The following CNTNAP5 variants were observed in gnomAD, a reference collection of about 807,000 sequenced individuals.
CNTNAP5 encodes the protein contactin associated protein family member 5.
Under a neutral mutation model 150.2 loss-of-function variants are expected in CNTNAP5, and 72 were observed. The ratio of observed to expected loss-of-function variants is 0.48; its 90% CI spans 0.40 to 0.58. CNTNAP5 has a LOEUF of 0.58. Among genes scored for constraint, CNTNAP5 ranks in the 20% least tolerant of loss-of-function variants. The pLI, the probability that CNTNAP5 is intolerant of heterozygous loss-of-function variation, is 0.00. For missense variants in CNTNAP5, 1,636 were observed against 1,626.2 expected (o/e 1.01, Z -0.10); for synonymous variants, 672 against 619.8 (o/e 1.08, Z -1.25).
In CNTNAP5 at chr2:124,516,528, C is replaced by T. The variant is rs180950049; in HGVS notation, c.1328-7775C>T. ...AATTTCCGGAAATTTTTAAGTGTCA[C>T]GCACTTGAGCAAGGAATAACAGGTG... is the stretch of plus-strand genomic sequence containing the variant. On this transcript the variant is annotated intron_variant, in intron 8 of 23. Coordinates refer to ENST00000682447, the MANE Select transcript of CNTNAP5 (RefSeq NM_001367498.1). 1.1e-3 allele frequency among the ~76,000 whole-genome samples: 168 copies of T among 152,270 alleles called. 1 individual carries two copies. Among genetic ancestry groups the T allele is most frequent in the Admixed American group, 4.1e-3 (63 of 15,298 alleles).
At chr2:124,362,751 C>A (rs969176085) in intron 3 of CNTNAP5, among the ~76,000 whole-genome samples, 1 of 152,140 alleles carries the variant, frequency 6.6e-6, no homozygotes, top group Non-Finnish European at 1.5e-5. Flanking sequence ...CCATCTGTAC[C>A]TTTGAAGAGT....
chr2:124,162,331 A>AT (rs1684700927), intron 1 of CNTNAP5, among the ~76,000 whole-genome samples: 1 of 152,164 alleles, frequency 6.6e-6, no homozygotes, highest in African/African-American at 2.4e-5. Flanking sequence ...GTATTACTTC[A>AT]TTTAAACTTG....
intron 14 of CNTNAP5, among the ~76,000 whole-genome samples, chr2:124,757,023 C>T (rs1226430022): frequency 6.6e-6 from 1 of 152,146 alleles, no homozygotes; most frequent in Admixed American, 6.6e-5. Context: ...TAATAGCATG[C>T]CAGCACAAAT....
intron 3 of CNTNAP5, among the ~76,000 whole-genome samples, chr2:124,356,277 A>T (rs1439330158): frequency 1.3e-5 from 2 of 151,880 alleles, no homozygotes; most frequent in Non-Finnish European, 2.9e-5. Flanking sequence ...ATATGCTTTG[A>T]CAGATGTGGA....
chr2:124,545,886 G>T (rs773943068), intron 10 of CNTNAP5, among the ~76,000 whole-genome samples: 18 of 152,124 alleles, frequency 1.2e-4, no homozygotes, highest in Non-Finnish European at 2.2e-4. Flanking sequence ...CAGCTCAGGA[G>T]TTCAAGATTA....
intron 16 of CNTNAP5, among the ~76,000 whole-genome samples, chr2:124,771,942 C>A (rs1471095169): frequency 6.6e-6 from 1 of 151,792 alleles, no homozygotes; most frequent in Admixed American, 6.6e-5. Context: ...CCACTATCAC[C>A]ACAACCATTA....
intron 3 of CNTNAP5, among the ~76,000 whole-genome samples, chr2:124,273,271 G>C (rs192516061): frequency 2.0e-5 from 3 of 152,290 alleles, no homozygotes; most frequent in East Asian, 1.9e-4. Context: ...GGGTGATATA[G>C]TGAGAGACAT....
At chr2:124,540,204 T>C (rs1024895554) in intron 10 of CNTNAP5, among the ~76,000 whole-genome samples, 1 of 152,208 alleles carries the variant, frequency 6.6e-6, no homozygotes. Flanking sequence ...CTGAAAAGTA[T>C]AACTGTGACT....
At chr2:124,036,168 C>A (rs561791782) in intron 1 of CNTNAP5, among the ~76,000 whole-genome samples, 6 of 151,868 alleles carry the variant, frequency 4.0e-5, no homozygotes, top group African/African-American at 1.5e-4. Context: ...TCATGATCCA[C>A]CCGCCTCGGC....
intron 6 of CNTNAP5, among the ~76,000 whole-genome samples, chr2:124,466,826 C>G (rs897482493): frequency 6.6e-6 from 1 of 152,114 alleles, no homozygotes; most frequent in Non-Finnish European, 1.5e-5. Flanking sequence ...CTCAGAAATA[C>G]AATCTCCATT....
chr2:124,484,816 T>G (rs529665600), intron 7 of CNTNAP5, among the ~76,000 whole-genome samples: 19 of 152,328 alleles, frequency 1.2e-4, no homozygotes, highest in Admixed American at 1.3e-4. Flanking sequence ...CACATAACAT[T>G]TTTGAGGCTT....
chr2:124,063,625 T>C (rs568400299), intron 1 of CNTNAP5, among the ~76,000 whole-genome samples: 1 of 152,288 alleles, frequency 6.6e-6, no homozygotes, highest in Non-Finnish European at 1.5e-5. Flanking sequence ...TCAGCAAATA[T>C]AATACTTCTC....
chr2:124,194,904 A>G (rs761604943), intron 1 of CNTNAP5, among the ~76,000 whole-genome samples: 1 of 151,998 alleles, frequency 6.6e-6, no homozygotes, highest in Non-Finnish European at 1.5e-5. Context: ...GGAAAACTAG[A>G]AGTTATTTGC....
intron 1 of CNTNAP5, among the ~76,000 whole-genome samples, chr2:124,073,917 C>T (rs961290572): frequency 6.6e-6 from 1 of 151,838 alleles, no homozygotes; most frequent in African/African-American, 2.4e-5. Flanking sequence ...TTCACAAGGG[C>T]CAAGATTTGG....
At chr2:124,472,711 T>C (rs1260411457) in intron 6 of CNTNAP5, among the ~76,000 whole-genome samples, 1 of 151,786 alleles carries the variant, frequency 6.6e-6, no homozygotes, top group Non-Finnish European at 1.5e-5. Context: ...ATAAAAGATA[T>C]GTTTATACTA....
chr2:124,281,990 T>C lies in CNTNAP5; in HGVS notation c.381+39597T>C, dbSNP rs1311733196. On this transcript the variant is annotated intron_variant, in intron 3 of 23. Coordinates refer to ENST00000682447, the MANE Select transcript of CNTNAP5 (RefSeq NM_001367498.1). The stretch of plus-strand genomic sequence containing the variant: ...ACTCTTTTTCAGAAACCACCCTCCC[T>C]GTCCTTTCCTCTTTGCCTGGGATGA... 2.6e-5 allele frequency among the ~76,000 whole-genome samples: 4 copies of C among 152,154 alleles called. 1 individual carries two copies. The highest frequency in any genetic ancestry group is 5.9e-5 in the Non-Finnish European group (4 of 68,018).
At chr2:124,130,212 T>C (rs371527115) in intron 1 of CNTNAP5, among the ~76,000 whole-genome samples, 2 of 152,126 alleles carry the variant, frequency 1.3e-5, no homozygotes, top group East Asian at 1.9e-4. Context: ...AAATTACCTT[T>C]GTTTTAGTGT....
intron 7 of CNTNAP5, among the ~76,000 whole-genome samples, chr2:124,499,739 T>C (rs1245414728): frequency 6.6e-6 from 1 of 152,204 alleles, no homozygotes; most frequent in African/African-American, 2.4e-5. Flanking sequence ...CTGGCAAATT[T>C]CTCATAGATC....
intron 11 of CNTNAP5, among the ~76,000 whole-genome samples, chr2:124,584,711 G>A (rs756583728): frequency 2.0e-5 from 3 of 152,154 alleles, no homozygotes; most frequent in Non-Finnish European, 2.9e-5. Flanking sequence ...TTAAAACAAT[G>A]ACAGTGAAAT....
Sources: allele counts gnomAD v4.1 joint callset (sites outside exome capture counted in the v4.1 genomes callset), GRCh38; gene constraint gnomAD v4.1.1; transcripts MANE v1.5; gene names NCBI Gene and HGNC (gene_info 2026-07-23, HGNC 2026-07-21).